Variants in MROH2B observed in about 807,000 individuals in gnomAD.
MROH2B encodes the protein maestro heat-like repeat-containing protein family member 2B.
MROH2B carries 177 observed loss-of-function variants against 208.6 expected under a neutral mutation model. The ratio of observed to expected loss-of-function variants is 0.85; its 90% confidence interval spans 0.75 to 0.96. The LOEUF is 0.96. Among genes scored for constraint, MROH2B ranks in the 40% least tolerant of loss-of-function variants. MROH2B has a pLI of 0.00. For missense variants in MROH2B, 2,002 were observed against 1,878.7 expected, an observed-to-expected ratio of 1.07 and a Z score of -1.21; for synonymous variants, 728 against 659.0, an observed-to-expected ratio of 1.10 and a Z score of -1.60.
intron 32 of MROH2B, 118 bp from the exon 33 acceptor site, chr5:41,008,911 G>T: frequency 9.3e-7 from 1 of 1,079,760 alleles, no homozygotes; most frequent in South Asian, 1.7e-5. Flanking sequence ...AAAAGGGAGG[G>T]TTTATTGTCT....
intron 15 of MROH2B, 40 bp from the exon 16 acceptor site, chr5:41,048,505 C>T (rs773634540): frequency 1.7e-5 from 26 of 1,547,850 alleles, no homozygotes; most frequent in Admixed American, 1.3e-4. Context: ...ATTTCAGGGG[C>T]GTTTAAAAGC....
chr5:41,047,957 C>T (rs997146650), intron 16 of MROH2B, among the ~76,000 whole-genome samples, 193 bp from the exon 17 acceptor site: 3 of 152,142 alleles, frequency 2.0e-5, no homozygotes, highest in Non-Finnish European at 2.9e-5. Flanking sequence ...TTCAATCTAT[C>T]ATAAAAATCT....
intron 31 of MROH2B, 40 bp downstream of exon 31, chr5:41,009,882 G>A: frequency 6.4e-7 from 1 of 1,568,546 alleles, no homozygotes; most frequent in Admixed American, 1.8e-5. Context: ...TTTCAGAGTG[G>A]CCTTCCCTAG....
chr5:41,015,106 A>G (rs1018546109), intron 29 of MROH2B, among the ~76,000 whole-genome samples: 17 of 152,238 alleles, frequency 1.1e-4, no homozygotes, highest in Admixed American at 6.5e-5. Context: ...CACAGAGTGC[A>G]TCTGATTAAC....
intron 3 of MROH2B, among the ~76,000 whole-genome samples, chr5:41,066,321 T>C (rs1561310029): frequency 6.6e-6 from 1 of 152,144 alleles, no homozygotes; most frequent in African/African-American, 2.4e-5. Flanking sequence ...AAATATATAC[T>C]CATAAAACCA....
intron 37 of MROH2B, among the ~76,000 whole-genome samples, chr5:41,001,611 G>A (rs1037218292): frequency 2.6e-5 from 4 of 152,100 alleles, no homozygotes; most frequent in Admixed American, 1.3e-4. Context: ...CAGCTACTTG[G>A]GAGGGTGAGG....
chr5:41,044,515 G>A (rs1043985982), intron 18 of MROH2B, among the ~76,000 whole-genome samples: 64 of 152,234 alleles, frequency 4.2e-4, no homozygotes, highest in African/African-American at 1.5e-3. Flanking sequence ...TCTGCCTACG[G>A]GTACCACCAT....
intron 35 of MROH2B, chr5:41,005,293 C>G: frequency 1.9e-6 from 1 of 539,296 alleles, no homozygotes; most frequent in African/African-American, 1.9e-5. Context: ...GATTTATTGT[C>G]CCCCTTTCTC....
chr5:41,071,173 G>T lies in MROH2B; in HGVS notation c.-321C>A. ...TTGGGAAAGAAGTAATTAGAGACTG[G>T]GATTCAAACCATTGTTGCAGACCAA... is the stretch of plus-strand genomic sequence containing the variant. On this transcript the variant is annotated 5_prime_UTR_variant, in exon 1 of 42. Coordinates refer to ENST00000399564, the MANE Select transcript of MROH2B (RefSeq NM_173489.5). 1 of 291,758 alleles carries T rather than the reference G, an allele frequency of 3.4e-6. No homozygotes were observed. 18.1% of individuals were successfully genotyped at this position (291,758 alleles called of 1,614,324 possible).
At chr5:41,062,852 GT>G in intron 5 of MROH2B, among the ~76,000 whole-genome samples, 1 of 152,276 alleles carries the variant, frequency 6.6e-6, no homozygotes, top group East Asian at 1.9e-4. Context: ...GGCTGTGTGT[GT>G]GTATGTGTGT....
At chr5:41,055,609 G>A in intron 10 of MROH2B, 133 bp downstream of exon 10, 2 of 614,298 alleles carry the variant, frequency 3.3e-6, no homozygotes, top group East Asian at 5.6e-5. Context: ...GGAAGATTAA[G>A]AAGACAGAAT....
chr5:41,001,219 A>G (rs181911689), intron 37 of MROH2B, among the ~76,000 whole-genome samples: 1 of 151,850 alleles, frequency 6.6e-6, no homozygotes, highest in Non-Finnish European at 1.5e-5. Flanking sequence ...GAATTATGGG[A>G]CCTCTAATCT....
chr5:41,064,464 A>G lies in MROH2B; in HGVS notation c.460+8T>C, dbSNP rs1164811474. ...TTTAAGCAAAAAGGAAATCATCGGG[A>G]TACCCACCAATACAGAAAGTCCCCT... On this transcript the variant is annotated splice_region_variant and intron_variant, in intron 5 of 41. Transcript: ENST00000399564. 5 of 1,610,138 alleles carry G rather than the reference A, an allele frequency of 3.1e-6. No homozygotes were observed. The highest frequency in any genetic ancestry group is 4.2e-6 in the Non-Finnish European group (5 of 1,178,114).
At chr5:41,066,568 A>T (rs1234611257) in intron 3 of MROH2B, among the ~76,000 whole-genome samples, 1 of 152,214 alleles carries the variant, frequency 6.6e-6, no homozygotes, top group South Asian at 2.1e-4. Flanking sequence ...CATGAATGAC[A>T]ATCGAATTCT....
chr5:41,000,486 C>T (rs1286198625), intron 38 of MROH2B, 135 bp from the exon 39 acceptor site: 11 of 1,345,152 alleles, frequency 8.2e-6, no homozygotes, highest in African/African-American at 3.0e-5. Context: ...ATTGCTGGCA[C>T]CTTCCCAGTT....
chr5:41,036,537 A>C (rs1742766028), intron 21 of MROH2B, among the ~76,000 whole-genome samples: 1 of 152,208 alleles, frequency 6.6e-6, no homozygotes, highest in Non-Finnish European at 1.5e-5. Context: ...GCAGCCATAA[A>C]AAATAATAAA....
In MROH2B at chr5:41,024,159, G is replaced by C. The variant is rs188889790; in HGVS notation, c.2442-5141C>G. The stretch of plus-strand genomic sequence containing the variant: ...CAAAATAACCAGCTAACATCATAAT[G>C]ACAGGATCAAATTCACACATAACAA... On this transcript the variant is annotated intron_variant, in intron 24 of 41. Coordinates refer to ENST00000399564, the MANE Select transcript of MROH2B (RefSeq NM_173489.5). 2.8e-3 allele frequency among the ~76,000 whole-genome samples: 426 copies of C among 152,262 alleles called. 6 individuals carry two copies. Among genetic ancestry groups the C allele is most frequent in the African/African-American group, 9.9e-3 (413 of 41,546 alleles).
chr5:41,053,985 C>CTT (rs112877934), intron 11 of MROH2B, among the ~76,000 whole-genome samples: 1 of 145,908 alleles, frequency 6.9e-6, no homozygotes. Context: ...CATAGAACAC[C>CTT]TTTTTTTTTT....
chr5:40,999,823 C>A (rs1359872643), intron 39 of MROH2B, 44 bp from the exon 40 acceptor site: 11 of 1,572,552 alleles, frequency 7.0e-6, no homozygotes, highest in Non-Finnish European at 7.8e-6. Flanking sequence ...GGAAAGTGAA[C>A]CTTTGTGACA....
Sources: gnomAD v4.1 joint callset for allele counts (sites outside exome capture counted in the v4.1 genomes callset) on GRCh38, gnomAD v4.1.1 for gene constraint, MANE v1.5 for transcripts, NCBI Gene and HGNC (gene_info 2026-07-23, HGNC 2026-07-21) for gene names.